Variants in UBE2L5 observed in about 807,000 individuals in gnomAD.
The protein encoded by UBE2L5 is ubiquitin-conjugating enzyme E2 L5.
UBE2L5 carries 3 observed loss-of-function variants against 10.0 expected under a neutral mutation model. That is an observed-to-expected ratio of 0.30 (90% CI 0.14 to 0.78). UBE2L5 has a LOEUF of 0.78. Among genes scored for constraint, UBE2L5 ranks in the 30% least tolerant of loss-of-function variants. The pLI, the probability that UBE2L5 is intolerant of heterozygous loss-of-function variation, is 0.65. For synonymous variants in UBE2L5, 60 were observed against 71.9 expected, an observed-to-expected ratio of 0.83 and a Z score of 0.83; for missense variants, 131 against 193.3, an observed-to-expected ratio of 0.68 and a Z score of 1.91.
chr13:30,423,631 T>A (rs1885497890), intron 1 of UBE2L5, among the ~76,000 whole-genome samples: 1 of 152,148 alleles, frequency 6.6e-6, no homozygotes, highest in Non-Finnish European at 1.5e-5. Context: ...CGGGGAATCA[T>A]ATATTTAAAA....
chr13:30,425,653 C>T (rs1246889623), intron 2 of UBE2L5, among the ~76,000 whole-genome samples: 1 of 152,242 alleles, frequency 6.6e-6, no homozygotes, highest in East Asian at 1.9e-4. Context: ...TTTAGGTGTT[C>T]ATCACATACT....
At chr13:30,424,925 A>G (rs1885515904) in intron 2 of UBE2L5, 24 bp downstream of exon 2, 1 of 152,142 alleles carries the variant, frequency 6.6e-6, no homozygotes. Flanking sequence ...TGCCCACCTA[A>G]TTTTTAATGT....
intron 3 of UBE2L5, 108 bp from the exon 4 acceptor site, chr13:30,427,253 A>G (rs1368584248): frequency 1.3e-5 from 2 of 152,280 alleles, no homozygotes; most frequent in East Asian, 1.9e-4. Flanking sequence ...TATTATTTCT[A>G]TCCCTTTGCA....
intron 1 of UBE2L5, among the ~76,000 whole-genome samples, chr13:30,423,474 G>A (rs1181022581): frequency 6.6e-6 from 1 of 152,172 alleles, no homozygotes; most frequent in African/African-American, 2.4e-5. Flanking sequence ...GCTGGGTGTG[G>A]TGGTGCACAC....
At chr13:30,427,077 G>T (rs576684670) in intron 3 of UBE2L5, 9 of 152,186 alleles carry the variant, frequency 5.9e-5, no homozygotes, top group Non-Finnish European at 1.2e-4. Context: ...GTCGTTCTGG[G>T]TATACTTGTT....
chr13:30,427,929 C>T lies in UBE2L5; in HGVS notation c.-62C>T, dbSNP rs1054176773. The T allele has an allele frequency of 2.9e-6, 3 of 1,050,882 alleles. No homozygotes were observed. Among genetic ancestry groups the T allele is most frequent in the Non-Finnish European group, 2.9e-6 (2 of 681,428 alleles). The allele number at this position is 1,050,882 out of a possible 1,614,324, so 65.1% of individuals were successfully genotyped here. A position where few individuals can be genotyped will look rare whatever the true frequency, so the allele number is the denominator to read the frequency against. The stretch of plus-strand genomic sequence containing the variant: ...AACGTTATTTGAGTGTATACATACA[C>T]AACCATTAAAAGTGGCCGTTACCAC... On this transcript the variant is annotated 5_prime_UTR_variant, in exon 4 of 4. Transcript: ENST00000635918.
At position 30,427,424 on chromosome 13, in the gene UBE2L5, T is replaced by C. The variant is rs1885552190; in HGVS notation, c.-567T>C. 1 of 152,278 alleles carries C rather than the reference T, an allele frequency of 6.6e-6. No individual in the cohort carries two copies. The highest frequency in any genetic ancestry group is 2.4e-5 in the African/African-American group (1 of 41,466). The allele number at this position is 152,278 out of a possible 1,614,324, so 9.4% of individuals were successfully genotyped here. ...TATTCAAACACCAAGGATCTCACTTTGTGCTGTGAAATGCAAGATGAGCAA... is the reference window on the plus strand; with the variant it reads ...TATTCAAACACCAAGGATCTCACTTCGTGCTGTGAAATGCAAGATGAGCAA... On this transcript the variant is annotated 5_prime_UTR_variant, in exon 4 of 4. Transcript: ENST00000635918.
chr13:30,427,969 A>G lies in UBE2L5; in HGVS notation c.-22A>G, dbSNP rs1440241328. 2.7e-5 allele frequency: 39 copies of G among 1,429,740 alleles called. No individual in the cohort carries two copies. The highest frequency in any genetic ancestry group is 1.5e-5 in the Non-Finnish European group (15 of 1,013,478). 88.6% of individuals were successfully genotyped at this position (1,429,740 alleles called of 1,614,324 possible). A position where few individuals can be genotyped will look rare whatever the true frequency, so the allele number is the denominator to read the frequency against. On this transcript the variant is annotated 5_prime_UTR_variant, in exon 4 of 4. Transcript: ENST00000635918. ...GCCGTTACCACGATGCATTCTGGGA[A>G]AGAAGCAGCACCAAATCCAAGATGG...
intron 2 of UBE2L5, among the ~76,000 whole-genome samples, chr13:30,426,268 A>C (rs1018082812): frequency 1.3e-5 from 2 of 152,216 alleles, no homozygotes; most frequent in Non-Finnish European, 2.9e-5. Flanking sequence ...CTGAGATCAC[A>C]CCACTGAACT....
rs565842893 is a variant in UBE2L5, at chr13:30,428,348, C to T, written c.358C>T (p.Pro120Ser). The T allele has an allele frequency of 2.4e-5, 38 of 1,610,950 alleles. 1 individual carries two copies. In the East Asian group the frequency reaches 8.2e-4, roughly 35 times the overall value. Residue 120 changes from proline (P) to serine (S), a missense_variant, in exon 4 of 4, where the codon CCG becomes TCG. By Grantham distance (74) the Pro-to-Ser change is moderately conservative. Transcript: ENST00000635918. ...GGTGAATGACCCGCAGCCCGAGCAC[C>T]CGCTTCGGGCTGACCTAGCTGAAGA... ...ALVNDPQPEH[P>S]LRADLAEEYS...
chr13:30,424,303 C>T (rs532563539), intron 1 of UBE2L5, among the ~76,000 whole-genome samples: 1 of 152,260 alleles, frequency 6.6e-6, no homozygotes, highest in South Asian at 2.1e-4. Context: ...GCTTGGTCAA[C>T]GTATTAGGAT....
Position 30,428,366 on chromosome 13 carries a change from G to C in UBE2L5, c.376G>C (p.Ala126Pro). The C allele has an allele frequency of 6.2e-7, 1 of 1,611,944 alleles. No individual in the cohort carries two copies. The highest frequency in any genetic ancestry group is 8.5e-7 in the Non-Finnish European group (1 of 1,179,590). The stretch of plus-strand genomic sequence containing the variant: ...CGAGCACCCGCTTCGGGCTGACCTA[G>C]CTGAAGAATACTCTAACGACCGTAA... ...QPEHPLRADL[A>P]EEYSNDRKKF... Residue 126 changes from alanine to proline, a missense_variant, in exon 4 of 4, where the codon GCT (alanine) becomes CCT (proline). Physicochemically the swap from Ala to Pro is conservative, Grantham distance 27. Transcript: ENST00000635918.
At chr13:30,426,932 ACT>A (rs931176771) in intron 3 of UBE2L5, 154 bp downstream of exon 3, 57 of 149,176 alleles carry the variant, frequency 3.8e-4, no homozygotes, top group African/African-American at 1.4e-3. Context: ...TACAAAAATA[ACT>A]CTGACTACTT....
In UBE2L5 at chr13:30,428,781, T is replaced by A; in HGVS notation, c.*326T>A. 6.6e-6 allele frequency among the ~76,000 whole-genome samples: 1 copy of A among 151,730 alleles called. No homozygotes were observed. Among genetic ancestry groups the A allele is most frequent in the Admixed American group, 6.6e-5 (1 of 15,248 alleles). Reference sequence around the variant, plus strand: ...TTCAGACATCAGGATGTTGACACAGTGTCCTACCAGAACCCAGGGTTTACT... The same window carrying A: ...TTCAGACATCAGGATGTTGACACAGAGTCCTACCAGAACCCAGGGTTTACT... On this transcript the variant is annotated 3_prime_UTR_variant, in exon 4 of 4. Coordinates refer to ENST00000635918, the MANE Select transcript of UBE2L5 (RefSeq NM_001355247.2).
At chr13:30,425,514 C>T (rs1021353844) in intron 2 of UBE2L5, among the ~76,000 whole-genome samples, 51 of 152,228 alleles carry the variant, frequency 3.4e-4, no homozygotes, top group African/African-American at 1.2e-3. Context: ...CATTCAATAC[C>T]ATCTCTAATG....
At chr13:30,423,409 C>A (rs9579569) in intron 1 of UBE2L5, among the ~76,000 whole-genome samples, 2,285 of 152,096 alleles carry the variant, frequency 0.015, 23 homozygotes, top group Middle Eastern at 0.027. Context: ...TCCAGGAGTT[C>A]AAGAGCAGCC....
intron 2 of UBE2L5, among the ~76,000 whole-genome samples, chr13:30,425,497 C>T (rs899647576): frequency 6.6e-6 from 1 of 152,208 alleles, no homozygotes; most frequent in Admixed American, 6.5e-5. Flanking sequence ...CCTTTCCTAC[C>T]ACTCACCATT....
chr13:30,425,748 C>T (rs1411701100), intron 2 of UBE2L5, among the ~76,000 whole-genome samples: 1 of 151,784 alleles, frequency 6.6e-6, no homozygotes, highest in Non-Finnish European at 1.5e-5. Context: ...ATAGGCCGGG[C>T]GTGGTGTTTC....
At chr13:30,425,665 G>T (rs1189578653) in intron 2 of UBE2L5, among the ~76,000 whole-genome samples, 1 of 152,242 alleles carries the variant, frequency 6.6e-6, no homozygotes, top group Non-Finnish European at 1.5e-5. Context: ...TCACATACTT[G>T]TGGGACTTAA....
Sources: allele counts gnomAD v4.1 joint callset (sites outside exome capture counted in the v4.1 genomes callset), GRCh38; gene constraint gnomAD v4.1.1; transcripts MANE v1.5; gene names NCBI Gene and HGNC (gene_info 2026-07-23, HGNC 2026-07-21).